The following MSH6 variants were observed in gnomAD, a reference collection of about 807,000 sequenced individuals.
The protein encoded by MSH6 is mutS homolog 6, also known as DNA mismatch repair protein Msh6.
Under a neutral mutation model 119.1 loss-of-function variants are expected in MSH6, and 85 were observed. The ratio of observed to expected loss-of-function variants is 0.71; its 90% CI spans 0.60 to 0.85. The LOEUF (loss-of-function observed/expected upper bound fraction) is 0.85, where lower values mean the gene tolerates loss of function less well. Ranked by LOEUF, MSH6 falls within the 40% of genes least tolerant of loss-of-function variation. The probability of loss-of-function intolerance (pLI) is 0.00; values close to 1 mark genes in which losing one functional copy is unlikely to be tolerated. For missense variants in MSH6, 2,163 were observed against 1,655.3 expected (o/e 1.31, Z -5.32); for synonymous variants, 830 against 586.9 (o/e 1.41, Z -5.99).
At chr2:47,802,888 G>A (rs1572733938) in intron 4 of MSH6, among the ~76,000 whole-genome samples, 1 of 152,022 alleles carries the variant, frequency 6.6e-6, no homozygotes, top group Non-Finnish European at 1.5e-5. Context: ...AGGCTTAAGT[G>A]TAGCATGTTT....
At chr2:47,807,872 T>C (rs1670332348), downstream of MSH6, 3 of 365,154 alleles carry the variant, frequency 8.2e-6, no homozygotes, top group South Asian at 1.6e-4. Context: ...TGCAGCTTAT[T>C]TTCTTCACTT....
At chr2:47,789,552 A>G in intron 1 of MSH6, 1 of 376,820 alleles carries the variant, frequency 2.7e-6, no homozygotes, top group Non-Finnish European at 5.4e-6. Context: ...AAAACAATTT[A>G]TACTGTATTT....
intron 2 of MSH6, among the ~76,000 whole-genome samples, chr2:47,793,307 C>T (rs776754477): frequency 1.4e-4 from 14 of 102,308 alleles, no homozygotes; most frequent in South Asian, 6.5e-4. Context: ...GGTGACAGAG[C>T]GAGACTGTCT....
chr2:47,787,650 C>T (rs1030535458), intron 1 of MSH6, among the ~76,000 whole-genome samples: 3 of 152,246 alleles, frequency 2.0e-5, no homozygotes, highest in African/African-American at 7.2e-5. Flanking sequence ...CAGTGTTTTG[C>T]TTTGTTGCCC....
intron 1 of MSH6, among the ~76,000 whole-genome samples, chr2:47,787,929 C>T (rs1020475814): frequency 2.6e-5 from 4 of 151,964 alleles, no homozygotes; most frequent in South Asian, 2.1e-4. Context: ...TCTTGAAAAC[C>T]GCAGGATTAC....
intron 4 of MSH6, 41 bp from the exon 5 acceptor site, chr2:47,803,379 C>T: frequency 1.2e-6 from 2 of 1,613,922 alleles, no homozygotes; most frequent in Non-Finnish European, 1.7e-6. Context: ...TGATAAAACC[C>T]CCAAACGATG....
intron 4 of MSH6, among the ~76,000 whole-genome samples, chr2:47,801,518 C>T (rs1242092838): frequency 6.6e-6 from 1 of 151,766 alleles, no homozygotes; most frequent in South Asian, 2.1e-4. Flanking sequence ...CAGATATGCA[C>T]CACCATGCAT....
chr2:47,804,858 T>A (rs931381121), intron 5 of MSH6, 52 bp from the exon 6 acceptor site: 1 of 1,394,756 alleles, frequency 7.2e-7, no homozygotes, highest in African/African-American at 1.4e-5. Context: ...GACAAAAGTT[T>A]ATGAAACTGT....
chr2:47,795,853 T>G (rs1389452734), intron 2 of MSH6, 41 bp from the exon 3 acceptor site: 1 of 1,586,340 alleles, frequency 6.3e-7, no homozygotes. Context: ...CGTGAGCCTC[T>G]GCACCCGGCC....
At position 47,800,847 on chromosome 2, in the gene MSH6, T is replaced by A. The variant is rs2104427762; in HGVS notation, c.2864T>A (p.Leu955Gln). The A allele has an allele frequency of 6.2e-7, 1 of 1,614,028 alleles. No individual in the cohort carries two copies. The highest frequency in any genetic ancestry group is 8.5e-7 in the Non-Finnish European group (1 of 1,179,992). Residue 955 changes from leucine to glutamine, a missense_variant, in exon 4 of 10, where the codon CTA (leucine) becomes CAA (glutamine). Physicochemically the swap from Leu to Gln is moderately radical, Grantham distance 113. Transcript: ENST00000234420. ...RENEQSLLEYLEKQRNRIGCR... is the reference protein window; with the variant it reads ...RENEQSLLEYQEKQRNRIGCR... ...AATGAACAGAGCCTCCTGGAATACC[T>A]AGAGAAACAGCGCAACAGAATTGGC...
downstream of MSH6, chr2:47,809,736 A>G (rs576110433): frequency 2.0e-5 from 29 of 1,442,354 alleles, no homozygotes; most frequent in East Asian, 1.8e-4. Context: ...ACAAGTAGAT[A>G]CATCACTTTA....
rs764244124 is a variant in MSH6 at position 47,800,086 on chromosome 2, A to G, written c.2103A>G (p.Leu701=). 24 of 1,614,076 alleles carry G rather than the reference A, an allele frequency of 1.5e-5. No individual in the cohort carries two copies. Among genetic ancestry groups the G allele is most frequent in the Middle Eastern group, 1.6e-4 (1 of 6,084 alleles). Residue 701 remains leucine, a synonymous_variant, in exon 4 of 10, where the codon TTA becomes TTG. Coordinates refer to ENST00000234420, the MANE Select transcript of MSH6 (RefSeq NM_000179.3). ...LKKCLIDQEL[L]SMANFEEYIP... is the part of the protein sequence containing the mutation. ...AATGCCTTATTGATCAGGAGCTTTT[A>G]TCAATGGCTAATTTTGAAGAATATA...
In MSH6 at chr2:47,803,501, C is replaced by A. The variant is rs761724581; in HGVS notation, c.3254C>A (p.Thr1085Asn). ...CCAGTAATTCTGTTGCCGGAAGATA[C>A]CCCCCCCTTCTTAGAGCTTAAAGGA... Reference protein sequence around the residue: ...CRPVILLPEDTPPFLELKGSR... With the variant: ...CRPVILLPEDNPPFLELKGSR... Residue 1085 changes from threonine (T) to asparagine (N), a missense_variant, in exon 5 of 10, where the codon ACC (threonine) becomes AAC (asparagine). Physicochemically the swap from Thr to Asn is moderately conservative, Grantham distance 65. Coordinates refer to ENST00000234420, the MANE Select transcript of MSH6 (RefSeq NM_000179.3). 4.4e-6 allele frequency: 7 copies of A among 1,605,016 alleles called. No homozygotes were observed. The highest frequency in any genetic ancestry group is 6.0e-6 in the Non-Finnish European group (7 of 1,172,522).
At chr2:47,788,575 T>TCTTTTTC (rs1213185857) in intron 1 of MSH6, among the ~76,000 whole-genome samples, 1 of 144,852 alleles carries the variant, frequency 6.9e-6, no homozygotes, top group African/African-American at 2.6e-5. Context: ...TTTTTCTTTT[T>TCTTTTTC]TTTTTTTTTT....
intron 2 of MSH6, among the ~76,000 whole-genome samples, chr2:47,792,846 G>GTTTTTTT (rs11335797): frequency 8.7e-6 from 1 of 114,428 alleles, no homozygotes. Flanking sequence ...TTTTTATATA[G>GTTTTTTT]TTTTTTTTTT....
At position 47,803,447 on chromosome 2, in the gene MSH6, G is replaced by C. The variant is rs730881803; in HGVS notation, c.3200G>C (p.Ser1067Thr). The C allele has an allele frequency of 1.2e-6, 2 of 1,614,134 alleles. No individual in the cohort carries two copies. Among genetic ancestry groups the C allele is most frequent in the Non-Finnish European group, 1.7e-6 (2 of 1,180,040 alleles). ...LDVLLCLANY[S>T]RGGDGPMCRP... ...GTTTTACTGTGCCTGGCTAACTATAGTCGAGGGGGTGATGGTCCTATGTGT... is the reference window on the plus strand; with the variant it reads ...GTTTTACTGTGCCTGGCTAACTATACTCGAGGGGGTGATGGTCCTATGTGT... The change falls in exon 5 of 10, where the codon AGT (serine) becomes ACT (threonine). Residue 1067 changes from serine (S) to threonine (T), a missense_variant. Coordinates refer to ENST00000234420, the MANE Select transcript of MSH6 (RefSeq NM_000179.3).
chr2:47,783,949 C>T, intron 1 of MSH6: 1 of 1,027,096 alleles, frequency 9.7e-7, no homozygotes, highest in Non-Finnish European at 1.2e-6. Flanking sequence ...GGAGGCCGAA[C>T]GGGGAGAGTC....
In MSH6 at chr2:47,783,301, C is replaced by T. The variant is rs1060502912; in HGVS notation, c.68C>T (p.Ala23Val). The stretch of plus-strand genomic sequence containing the variant: ...CCGGCGCTGAGTGATGCCAACAAGG[C>T]CTCGGCCAGGGCCTCACGCGAAGGC... The part of the protein sequence containing the change: ...KSPALSDANK[A>V]SARASREGGR... Residue 23 changes from alanine (A) to valine (V), a missense_variant, in exon 1 of 10, where the codon GCC becomes GTC. By Grantham distance (64) the Ala-to-Val change is moderately conservative. Coordinates refer to ENST00000234420, the MANE Select transcript of MSH6 (RefSeq NM_000179.3). 2 of 1,612,102 alleles carry T rather than the reference C, an allele frequency of 1.2e-6. No individual in the cohort carries two copies. Among genetic ancestry groups the T allele is most frequent in the Non-Finnish European group, 1.7e-6 (2 of 1,179,546 alleles).
In MSH6 at chr2:47,789,728, T is replaced by C. The variant is rs3136270; in HGVS notation, c.261-1199T>C. On this transcript the variant is annotated intron_variant, in intron 1 of 9. Transcript: ENST00000234420. ...AGTATTTGCATATAACCTATACACA[T>C]CTTCCCCTGTACTTTATCTCTAGAT... Among the ~76,000 whole-genome samples, 224 of 152,330 alleles carry C rather than the reference T, an allele frequency of 1.5e-3. 1 individual carries two copies. The South Asian group carries it at 0.022, about 15-fold the overall frequency.
Sources: allele counts gnomAD v4.1 joint callset (sites outside exome capture counted in the v4.1 genomes callset), GRCh38; gene constraint gnomAD v4.1.1; transcripts MANE v1.5; gene names NCBI Gene and HGNC (gene_info 2026-07-23, HGNC 2026-07-21).